The following C4orf50 variants were observed in gnomAD, a reference collection of about 807,000 sequenced individuals.
C4orf50 encodes the protein uncharacterized protein C4orf50.
A neutral mutation model predicts 77.2 loss-of-function variants in C4orf50; 80 were observed. The observed-to-expected ratio is 1.04, with a 90% CI of 0.87 to 1.25. C4orf50 has a LOEUF of 1.25. C4orf50 is among the 50% of genes most tolerant of loss of function. The pLI is 0.00. For synonymous variants in C4orf50, 532 were observed against 465.3 expected (o/e 1.14, Z -1.84); for missense variants, 1,257 against 1,152.9 (o/e 1.09, Z -1.31).
chr4:5,944,946 C>T (rs926876003), intron 7 of C4orf50, among the ~76,000 whole-genome samples: 4 of 152,272 alleles, frequency 2.6e-5, no homozygotes, highest in South Asian at 2.1e-4. Flanking sequence ...CTATTCCACA[C>T]GGAAAGAAAC....
At chr4:5,926,498 C>T (rs567266052) in intron 7 of C4orf50, among the ~76,000 whole-genome samples, 48 of 152,092 alleles carry the variant, frequency 3.2e-4, no homozygotes, top group African/African-American at 7.0e-4. Flanking sequence ...CTTTTTAGGA[C>T]GATGAAAACG....
rs1716643748 is a variant in C4orf50, at chr4:5,908,291, G to A, written c.*2475-10103C>T. Among the ~76,000 whole-genome samples the A allele has an allele frequency of 6.6e-6, 1 of 152,142 alleles. No homozygotes were observed. The highest frequency in any genetic ancestry group is 2.4e-5 in the African/African-American group (1 of 41,430). Reference sequence around the variant, plus strand: ...AACAGTGTACTAAAGAGAGTCAGATGAAGGATCCATTTGAGAAAGCTGACT... The same window carrying A: ...AACAGTGTACTAAAGAGAGTCAGATAAAGGATCCATTTGAGAAAGCTGACT... On this transcript the variant is annotated intron_variant, in intron 7 of 7. Coordinates refer to the C4orf50 transcript ENST00000324058. This position sits in a 1 kb window ranked among gnomAD's most constrained non-coding sequence, Gnocchi z 5.6.
At chr4:5,975,918 A>G in exon 30 of C4orf50, 1 of 1,613,934 alleles carries the variant, frequency 6.2e-7, no homozygotes, top group Admixed American at 1.7e-5. Context: ...AGTCACTGCC[A>G]ACTTTGCTTC....
chr4:5,973,933 C>G, intron 30 of C4orf50, 92 bp from the exon 9 acceptor site: 1 of 1,026,220 alleles, frequency 9.7e-7, no homozygotes, highest in Non-Finnish European at 1.4e-6. Context: ...GCTGAGGCCC[C>G]TACTCACCAT....
chr4:5,990,971 C>T (rs1010538492), intron 27 of C4orf50, 147 bp from the exon 6 acceptor site: 20 of 397,628 alleles, frequency 5.0e-5, no homozygotes, highest in South Asian at 1.4e-4. Context: ...CAGCTGGTAC[C>T]GCCCCAGGGC....
At chr4:5,955,998 G>A (rs1241242321), downstream of C4orf50, among the ~76,000 whole-genome samples, 1 of 152,194 alleles carries the variant, frequency 6.6e-6, no homozygotes, top group East Asian at 1.9e-4. The surrounding 1 kb of genome is among the most constrained non-coding windows in gnomAD (Gnocchi z 5.1). Context: ...AATGACAAAT[G>A]TTAACCTCCT....
Position 5,919,409 on chromosome 4 carries a change from A to C in C4orf50, c.*2475-21221T>G, listed in dbSNP as rs1367386702. Among the ~76,000 whole-genome samples the C allele has an allele frequency of 7.5e-6, 1 of 133,294 alleles. No individual in the cohort carries two copies. Among genetic ancestry groups the C allele is most frequent in the Non-Finnish European group, 1.6e-5 (1 of 63,986 alleles). The allele number at this position is 133,294 out of a possible 152,430, so 87.4% of individuals were successfully genotyped here. ...CTCACTCCCTGTAGGCAGTGGACTG[A>C]GGCAGGGGCAGGTGGGGGTGGGGGG... is the stretch of plus-strand genomic sequence containing the variant. On this transcript the variant is annotated intron_variant, in intron 7 of 7. Coordinates refer to the C4orf50 transcript ENST00000324058. This position sits in a 1 kb window ranked among gnomAD's most constrained non-coding sequence, Gnocchi z 6.5.
intron 28 of C4orf50, among the ~76,000 whole-genome samples, chr4:5,980,631 G>A (rs1475854796): frequency 1.3e-5 from 2 of 152,088 alleles, no homozygotes; most frequent in Admixed American, 6.6e-5. Flanking sequence ...CCGGAGGTGG[G>A]TGTTGGGGAG....
intron 7 of C4orf50, among the ~76,000 whole-genome samples, chr4:5,950,623 A>G (rs963438600): frequency 1.3e-5 from 2 of 152,190 alleles, no homozygotes; most frequent in East Asian, 1.9e-4. Context: ...TTCCACTCAA[A>G]ATGGCACTTC....
At chr4:5,924,056 G>T (rs1390310761) in intron 7 of C4orf50, among the ~76,000 whole-genome samples, 1 of 152,186 alleles carries the variant, frequency 6.6e-6, no homozygotes, top group Admixed American at 6.5e-5. Flanking sequence ...TACACCAGTG[G>T]TTTGCCAGGG....
exon 28 of C4orf50, chr4:5,989,944 C>A (rs1002487118): frequency 1.4e-6 from 2 of 1,422,822 alleles, no homozygotes; most frequent in African/African-American, 2.9e-5. Context: ...CTCCTTGCCC[C>A]TAGCTGTCCT....
At chr4:5,921,056 C>T (rs1340909006) in intron 7 of C4orf50, among the ~76,000 whole-genome samples, 1 of 152,182 alleles carries the variant, frequency 6.6e-6, no homozygotes, top group Non-Finnish European at 1.5e-5. Context: ...TCTGAGTGAC[C>T]TGAGACCTTG....
chr4:5,958,660 T>C lies in C4orf50; in HGVS notation c.*715A>G, dbSNP rs1178310275. 6.6e-6 allele frequency: 1 copy of C among 152,226 alleles called. No individual in the cohort carries two copies. The highest frequency in any genetic ancestry group is 2.4e-5 in the African/African-American group (1 of 41,450). 9.4% of individuals were successfully genotyped at this position (152,226 alleles called of 1,614,324 possible). A position where few individuals can be genotyped will look rare whatever the true frequency, so the allele number is the denominator to read the frequency against. On this transcript the variant is annotated 3_prime_UTR_variant, in exon 34 of 34. Transcript: ENST00000531445. The surrounding 1 kb of genome is among the most constrained non-coding windows in gnomAD (Gnocchi z 5.4). ...TCAACATTGACTTGTCTCTTCTCCTTCATGCCACATTGCCTGGCATCCAGT... is the reference window on the plus strand; with the variant it reads ...TCAACATTGACTTGTCTCTTCTCCTCCATGCCACATTGCCTGGCATCCAGT...
chr4:5,955,125 G>A (rs1443410285), downstream of C4orf50, among the ~76,000 whole-genome samples: 1 of 152,116 alleles, frequency 6.6e-6, no homozygotes, highest in Non-Finnish European at 1.5e-5. The surrounding 1 kb of genome is among the most constrained non-coding windows in gnomAD (Gnocchi z 5.1). Context: ...TAAGTGATTT[G>A]TTTTCATTCT....
chr4:5,993,591 C>T (rs532631375), intron 26 of C4orf50, among the ~76,000 whole-genome samples: 7 of 152,120 alleles, frequency 4.6e-5, no homozygotes, highest in East Asian at 1.9e-4. Context: ...CTGAGGTGGG[C>T]GGATCACATA....
exon 28 of C4orf50, chr4:5,989,326 T>A: frequency 6.5e-7 from 1 of 1,535,824 alleles, no homozygotes; most frequent in Non-Finnish European, 8.7e-7. Context: ...CTGTGGAGGG[T>A]TTGGGCTGGC....
At chr4:5,987,919 T>C (rs1439630475) in intron 28 of C4orf50, among the ~76,000 whole-genome samples, 3 of 152,202 alleles carry the variant, frequency 2.0e-5, no homozygotes, top group Non-Finnish European at 4.4e-5. Flanking sequence ...CCTGGTTTTA[T>C]CATGCTCTAC....
At chr4:6,003,813 GTGATGATGGTGA>G (rs1721977961) in intron 25 of C4orf50, among the ~76,000 whole-genome samples, 1 of 136,904 alleles carries the variant, frequency 7.3e-6, no homozygotes, top group Admixed American at 7.4e-5. Context: ...GGTGATGATG[GTGATGATGGTGA>G]TGGTGATGAT....
At chr4:5,969,850 T>C (rs1719801158) in intron 31 of C4orf50, among the ~76,000 whole-genome samples, 1 of 152,138 alleles carries the variant, frequency 6.6e-6, no homozygotes, top group African/African-American at 2.4e-5. Context: ...GACAGGAAAC[T>C]ACCCAGCTAG....
Sources: allele counts gnomAD v4.1 joint callset (sites outside exome capture counted in the v4.1 genomes callset), GRCh38; gene constraint gnomAD v4.1.1; non-coding constraint Gnocchi (gnomAD v3.1); transcripts MANE v1.5; gene names NCBI Gene and HGNC (gene_info 2026-07-23, HGNC 2026-07-21).